Variants in SRSF7 observed in about 807,000 individuals in gnomAD.
SRSF7 encodes the protein serine and arginine rich splicing factor 7.
Under a neutral mutation model 42.2 loss-of-function variants are expected in SRSF7, and 15 were observed. That is an observed-to-expected ratio of 0.36 (90% CI 0.24 to 0.55). The LOEUF (loss-of-function observed/expected upper bound fraction) is 0.55, where lower values mean the gene tolerates loss of function less well. Among genes scored for constraint, SRSF7 ranks in the 20% least tolerant of loss-of-function variants. The pLI, the probability that SRSF7 is intolerant of heterozygous loss-of-function variation, is 0.88. For missense variants in SRSF7, 181 were observed against 305.9 expected, an observed-to-expected ratio of 0.59 and a Z score of 3.04; for synonymous variants, 138 against 107.9, an observed-to-expected ratio of 1.28 and a Z score of -1.73.
At position 38,743,901 on chromosome 2, in the gene SRSF7, T is replaced by TG; in HGVS notation, c.*1231_*1232insC. On this transcript the variant is annotated 3_prime_UTR_variant, in exon 8 of 8. Transcript: ENST00000313117. ...TAGGTATCTGCGCAACCAGCAGGTT[T>TG]TTTTTTTTTTGTACCAAGGCTAGAG... 5 of 151,484 alleles carry TG rather than the reference T, an allele frequency of 3.3e-5. No homozygotes were observed. Among genetic ancestry groups the TG allele is most frequent in the African/African-American group, 1.2e-4 (5 of 41,218 alleles). The allele number at this position is 151,484 out of a possible 1,614,324, so 9.4% of individuals were successfully genotyped here.
At chr2:38,748,787 TTAG>T in intron 3 of SRSF7, 134 bp from the exon 4 acceptor site, 1 of 1,219,142 alleles carries the variant, frequency 8.2e-7, no homozygotes. Context: ...TCTGGGCCTA[TTAG>T]TTGTTGAGTA....
At position 38,746,737 on chromosome 2, in the gene SRSF7, T is replaced by A; in HGVS notation, c.583A>T (p.Arg195Trp). The change falls in exon 6 of 8, where the codon AGG (arginine) becomes TGG (tryptophan). Residue 195 changes from arginine to tryptophan, a missense_variant. Physicochemically the swap from Arg to Trp is moderately radical, Grantham distance 101. Transcript: ENST00000313117. The part of the protein sequence containing the change: ...KGSRYFQSPS[R>W]SRSRSRSISR... ...ATAGACCTGGATCTTGATCTTGACC[T>A]CGACGGGGATCTTAATAAAAAAAGT... is the stretch of plus-strand genomic sequence containing the variant. The A allele has an allele frequency of 1.2e-6, 2 of 1,613,518 alleles. No individual in the cohort carries two copies. Among genetic ancestry groups the A allele is most frequent in the African/African-American group, 1.3e-5 (1 of 74,920 alleles).
At chr2:38,748,981 A>C in intron 3 of SRSF7, 1 of 1,291,948 alleles carries the variant, frequency 7.7e-7, no homozygotes, top group Non-Finnish European at 1.0e-6. Flanking sequence ...CGATCGCTGC[A>C]TCTAGATGTT....
At chr2:38,750,990 C>CT in intron 1 of SRSF7, 1 of 511,872 alleles carries the variant, frequency 2.0e-6, no homozygotes, top group East Asian at 3.4e-5. Flanking sequence ...CTCAACCCTG[C>CT]TTTAGGCTGG....
At chr2:38,751,371 C>T (rs149535548), upstream of SRSF7, 87 of 1,441,862 alleles carry the variant, frequency 6.0e-5, no homozygotes, top group African/African-American at 8.2e-4. Flanking sequence ...CGAGGAAGAG[C>T]CCGGGTTCGC....
Position 38,744,577 on chromosome 2 carries a change from G to C in SRSF7, c.*556C>G. 3 of 152,658 alleles carry C rather than the reference G, an allele frequency of 2.0e-5. 1 individual carries two copies. Among genetic ancestry groups the C allele is most frequent in the Admixed American group, 2.0e-4 (3 of 15,352 alleles). The allele number at this position is 152,658 out of a possible 1,614,324, so 9.5% of individuals were successfully genotyped here. On this transcript the variant is annotated 3_prime_UTR_variant, in exon 8 of 8. Coordinates refer to ENST00000313117, the MANE Select transcript of SRSF7 (RefSeq NM_001031684.3). Reference sequence around the variant, plus strand: ...TTTAGACACATCAGTGGTCCTACTTGCTTCACCACTGATCATACAATACCT... The same window carrying C: ...TTTAGACACATCAGTGGTCCTACTTCCTTCACCACTGATCATACAATACCT...
intron 7 of SRSF7, 72 bp from the exon 8 acceptor site, chr2:38,745,259 C>A: frequency 1.3e-6 from 2 of 1,519,366 alleles, no homozygotes; most frequent in Non-Finnish European, 1.8e-6. Flanking sequence ...TACTAACTTT[C>A]AATAACTTCA....
rs544759963 is a variant in SRSF7 at position 38,746,945 on chromosome 2, C to T, written c.573-198G>A. 3 of 856,036 alleles carry T rather than the reference C, an allele frequency of 3.5e-6. No individual in the cohort carries two copies. The East Asian group carries it at 8.3e-5, about 24-fold the overall frequency. The allele number at this position is 856,036 out of a possible 1,614,324, so 53.0% of individuals were successfully genotyped here. On this transcript the variant is annotated intron_variant, in intron 5 of 7. Transcript: ENST00000313117. The stretch of plus-strand genomic sequence containing the variant: ...GAACCCCCATTTCAATTACTTGTTT[C>T]TATCACTCAATTGGTTAGTTTCTGT...
Position 38,751,217 on chromosome 2 carries a change from CCAGCTT to C in SRSF7, c.28+6_28+11del, listed in dbSNP as rs911025838. On this transcript the variant is annotated splice_donor_region_variant and intron_variant, in intron 1 of 7. Coordinates refer to ENST00000313117, the MANE Select transcript of SRSF7 (RefSeq NM_001031684.3). ...CCACACCAACGTCCCTCACCGGACT[CCAGCTT>C]CTTACCTCCTCCGTACCGCCCGTAA... The C allele has an allele frequency of 5.0e-6, 8 of 1,614,088 alleles. No homozygotes were observed.
intron 5 of SRSF7, 48 bp downstream of exon 5, chr2:38,747,999 A>G (rs750124145): frequency 2.2e-6 from 3 of 1,356,562 alleles, no homozygotes; most frequent in Non-Finnish European, 3.1e-6. Flanking sequence ...CTCTACTGAT[A>G]AGATGTGAAC....
At chr2:38,749,085 A>G in intron 3 of SRSF7, 1 of 1,313,182 alleles carries the variant, frequency 7.6e-7, no homozygotes, top group Non-Finnish European at 1.0e-6. Context: ...AATGTGGTCA[A>G]TCTGGTGTTC....
At position 38,745,162 on chromosome 2, in the gene SRSF7, T is replaced by C; in HGVS notation, c.688A>G (p.Arg230Gly). The C allele has an allele frequency of 1.9e-6, 3 of 1,614,114 alleles. No individual in the cohort carries two copies. Among genetic ancestry groups the C allele is most frequent in the Admixed American group, 3.3e-5 (2 of 60,004 alleles). ...TCCATTCTTTCAGGACTTGCACTTC[T>C]GCGAGGACTTCCTGATGGGGAACGA... Reference protein sequence around the residue: ...RSRSPSGSPRRSASPERMD With the variant: ...RSRSPSGSPRGSASPERMD Residue 230 changes from arginine to glycine, a missense_variant, in exon 8 of 8, where the codon AGA becomes GGA. Coordinates refer to ENST00000313117, the MANE Select transcript of SRSF7 (RefSeq NM_001031684.3).
chr2:38,748,138 G>C lies in SRSF7; in HGVS notation c.481C>G (p.Arg161Gly). The change falls in exon 5 of 8, where the codon CGA (arginine) becomes GGA (glycine). Residue 161 changes from arginine (R) to glycine (G), a missense_variant. This residue lies in a region of SRSF7 where 136 missense variants were observed against 147.8 expected (regional missense o/e 0.92). Coordinates refer to ENST00000313117, the MANE Select transcript of SRSF7 (RefSeq NM_001031684.3). ...CGAAGAGAGATAGATCTTGATCGTC[G>C]AGGAGATGCTGACCTTGACCTAAAA... ...RGRRSRSASPRRSRSISLRRS... is the reference protein window; with the variant it reads ...RGRRSRSASPGRSRSISLRRS... 1.2e-6 allele frequency: 2 copies of C among 1,613,390 alleles called. No homozygotes were observed. The highest frequency in any genetic ancestry group is 1.7e-5 in the Admixed American group (1 of 59,958).
At position 38,748,574 on chromosome 2, in the gene SRSF7, C is replaced by T. The variant is rs1406409821; in HGVS notation, c.461+5G>A. The stretch of plus-strand genomic sequence containing the variant: ...CAGAAAGACTTCAGTTAAACAAGAT[C>T]TCACCTTCGTCCCCTGCTCCTGCTG... On this transcript the variant is annotated splice_donor_5th_base_variant and intron_variant, in intron 4 of 7. Transcript: ENST00000313117. 1.9e-6 allele frequency: 3 copies of T among 1,613,692 alleles called. No homozygotes were observed. The highest frequency in any genetic ancestry group is 1.7e-4 in the Middle Eastern group (1 of 6,060).
intron 2 of SRSF7, 95 bp downstream of exon 2, chr2:38,749,919 T>C: frequency 1.4e-6 from 2 of 1,385,362 alleles, no homozygotes; most frequent in East Asian, 2.3e-5. Flanking sequence ...CTATTTAAGG[T>C]CTCTTCCAGA....
Position 38,749,549 on chromosome 2 carries a change from G to A in SRSF7, c.366C>T (p.Tyr122=). The change falls in exon 3 of 8, where the codon TAC becomes TAT. Residue 122 remains tyrosine, a synonymous_variant. Transcript: ENST00000313117. ...KGHYAYDCHR[Y]SRRRRSRSRS... is the part of the protein sequence containing the mutation. Reference sequence around the variant, plus strand: ...AATACCTGCTTCTTCTTCGCCGGCTGTAACGATGACAATCATAAGCATAAT... The same window carrying A: ...AATACCTGCTTCTTCTTCGCCGGCTATAACGATGACAATCATAAGCATAAT... The A allele has an allele frequency of 6.8e-5, 107 of 1,578,634 alleles. No homozygotes were observed. In the East Asian group the frequency reaches 2.4e-3, roughly 35 times the overall value.
chr2:38,747,381 C>A (rs900340223), intron 5 of SRSF7, among the ~76,000 whole-genome samples: 2 of 152,186 alleles, frequency 1.3e-5, no homozygotes, highest in African/African-American at 2.4e-5. Flanking sequence ...AGGTTTTGTG[C>A]TATTAAACAG....
intron 3 of SRSF7, chr2:38,749,031 G>A: frequency 7.7e-7 from 1 of 1,297,588 alleles, no homozygotes; most frequent in Non-Finnish European, 1.0e-6. Context: ...AGCCAAATGA[G>A]CCAGGTGAGG....
In SRSF7 at chr2:38,751,281, CT is replaced by C; in HGVS notation, c.-26del. The C allele has an allele frequency of 1.2e-6, 2 of 1,614,012 alleles. No individual in the cohort carries two copies. The highest frequency in any genetic ancestry group is 1.7e-6 in the Non-Finnish European group (2 of 1,179,884). ...TGATGACAGACCCGCGTGCTCGGCT[CT>C]TTAGCAAGCAGCGCCCAGGGCTCGA... is the stretch of plus-strand genomic sequence containing the variant. On this transcript the variant is annotated 5_prime_UTR_variant, in exon 1 of 8. Coordinates refer to ENST00000313117, the MANE Select transcript of SRSF7 (RefSeq NM_001031684.3).
Sources: allele counts gnomAD v4.1 joint callset (sites outside exome capture counted in the v4.1 genomes callset), GRCh38; gene constraint gnomAD v4.1.1; regional missense constraint gnomAD v4.1.1; transcripts MANE v1.5; gene names NCBI Gene and HGNC (gene_info 2026-07-23, HGNC 2026-07-21).